Variants in CLTA observed in about 807,000 individuals in gnomAD.
CLTA encodes the protein clathrin, light polypeptide (Lca).
In CLTA, 9 loss-of-function variants were observed where a neutral mutation model predicts 26.9. That is an observed-to-expected ratio of 0.33 (90% CI 0.20 to 0.58). CLTA has a LOEUF of 0.58. Among genes scored for constraint, CLTA ranks in the 20% least tolerant of loss-of-function variants. The probability of loss-of-function intolerance (pLI) is 0.85; values close to 1 mark genes in which losing one functional copy is unlikely to be tolerated. For synonymous variants in CLTA, 120 were observed against 115.5 expected (o/e 1.04, Z -0.25); for missense variants, 278 against 294.2 (o/e 0.94, Z 0.40).
intron 3 of CLTA, 70 bp from the exon 4 acceptor site, chr9:36,203,998 A>C: frequency 6.3e-7 from 1 of 1,591,694 alleles, no homozygotes; most frequent in Non-Finnish European, 8.6e-7. Flanking sequence ...AGCAAGACCA[A>C]AATAAACTGA....
chr9:36,197,185 G>T (rs1277970391), intron 1 of CLTA, among the ~76,000 whole-genome samples: 1 of 152,116 alleles, frequency 6.6e-6, no homozygotes, highest in African/African-American at 2.4e-5. Flanking sequence ...AGATGAAGCT[G>T]CAGGTCTCTG....
At chr9:36,210,612 C>G in intron 4 of CLTA, 1 of 1,614,134 alleles carries the variant, frequency 6.2e-7, no homozygotes, top group South Asian at 1.1e-5. Flanking sequence ...CTTTTCTTCT[C>G]TTCACCTTTA....
chr9:36,198,740 G>T (rs1046594470), intron 2 of CLTA, among the ~76,000 whole-genome samples: 2 of 147,990 alleles, frequency 1.4e-5, no homozygotes, highest in African/African-American at 2.5e-5. Flanking sequence ...TAGGCCAGGC[G>T]CAGGCACCTG....
Position 36,197,017 on chromosome 9 carries a change from A to T in CLTA, c.218-534A>T, listed in dbSNP as rs148593306. ...GGCGAAACCCCCTTCCTACAAAAAA[A>T]TAGAAAAATTATCCAGGCGTGGTGG... On this transcript the variant is annotated intron_variant, in intron 1 of 4. Transcript: ENST00000345519. Among the ~76,000 whole-genome samples the T allele has an allele frequency of 4.1e-3, 631 of 152,310 alleles. 5 individuals are homozygous for T. Among genetic ancestry groups the T allele is most frequent in the African/African-American group, 0.014 (601 of 41,566 alleles).
chr9:36,202,856 T>G (rs1827495695), intron 3 of CLTA, among the ~76,000 whole-genome samples: 1 of 151,754 alleles, frequency 6.6e-6, no homozygotes, highest in Non-Finnish European at 1.5e-5. Flanking sequence ...GAGTCTCACT[T>G]TGTTGCCTAG....
Position 36,197,575 on chromosome 9 carries a change from G to A in CLTA, c.242G>A (p.Gly81Asp). Residue 81 changes from glycine (G) to aspartate (D), a missense_variant, in exon 2 of 5, where the codon GGT (glycine) becomes GAT (aspartate). Coordinates refer to ENST00000345519, the MANE Select transcript of CLTA (RefSeq NM_001833.4). ...GATGCTGTTGATGGAGTAATGAATG[G>A]TGAATACTACCAGGTACAGAGTACT... is the stretch of plus-strand genomic sequence containing the variant. ...GPDAVDGVMN[G>D]EYYQESNGPT... 1 of 1,610,160 alleles carries A rather than the reference G, an allele frequency of 6.2e-7. No homozygotes were observed. The highest frequency in any genetic ancestry group is 1.1e-5 in the South Asian group (1 of 90,586).
At chr9:36,202,173 A>G (rs1403137811) in intron 3 of CLTA, among the ~76,000 whole-genome samples, 2 of 152,180 alleles carry the variant, frequency 1.3e-5, no homozygotes, top group East Asian at 3.8e-4. Flanking sequence ...ATCTGAGAAA[A>G]TGATTCTTCT....
intron 3 of CLTA, among the ~76,000 whole-genome samples, chr9:36,201,024 A>G (rs1827371567): frequency 6.6e-6 from 1 of 152,176 alleles, no homozygotes; most frequent in Non-Finnish European, 1.5e-5. Context: ...CTGTTTTACC[A>G]AGCTCTAGCA....
At chr9:36,196,349 T>C (rs1185070588) in intron 1 of CLTA, among the ~76,000 whole-genome samples, 2 of 149,946 alleles carry the variant, frequency 1.3e-5, no homozygotes, top group South Asian at 2.1e-4. Flanking sequence ...TTTCTTTTTT[T>C]TTTTTTTTAT....
chr9:36,199,447 CTTTTTTCTTTTTTT>C (rs1348772676), intron 3 of CLTA, among the ~76,000 whole-genome samples: 1 of 150,134 alleles, frequency 6.7e-6, no homozygotes, highest in African/African-American at 2.5e-5. Flanking sequence ...TTTCTTTTTT[CTTTTTTCTTTTTTT>C]TTTTTTGAGA....
intron 4 of CLTA, among the ~76,000 whole-genome samples, chr9:36,205,183 T>C (rs931228368): frequency 3.3e-5 from 5 of 152,198 alleles, no homozygotes. Flanking sequence ...CTTCAGCTCA[T>C]TGGATTCCGG....
intron 1 of CLTA, among the ~76,000 whole-genome samples, chr9:36,191,602 G>T (rs548005941): frequency 6.6e-6 from 1 of 152,170 alleles, no homozygotes; most frequent in Non-Finnish European, 1.5e-5. Flanking sequence ...TGAAGCAACC[G>T]CATTGGCGCA....
intron 4 of CLTA, 101 bp downstream of exon 4, chr9:36,204,280 G>A (rs1442384835): frequency 7.8e-7 from 1 of 1,279,808 alleles, no homozygotes; most frequent in Non-Finnish European, 1.1e-6. Context: ...CCTTTAGTGT[G>A]AAATGTCTGC....
At chr9:36,198,257 C>G (rs897195643) in intron 2 of CLTA, among the ~76,000 whole-genome samples, 1 of 152,056 alleles carries the variant, frequency 6.6e-6, no homozygotes, top group South Asian at 2.1e-4. Context: ...CTTGGCCTCC[C>G]AAAGTGCTGG....
At chr9:36,201,080 T>C (rs1306746614) in intron 3 of CLTA, among the ~76,000 whole-genome samples, 2 of 152,230 alleles carry the variant, frequency 1.3e-5, no homozygotes, top group East Asian at 3.8e-4. Context: ...TCTGGAAAGA[T>C]TTAATTTTTC....
Position 36,211,833 on chromosome 9 carries a change from T to G in CLTA, c.*59T>G. ...ATCTTAATCCTACTCAGTGAAGCTC[T>G]TCACAGTCATTGGATTAATTATGTT... On this transcript the variant is annotated 3_prime_UTR_variant, in exon 5 of 5. Coordinates refer to ENST00000345519, the MANE Select transcript of CLTA (RefSeq NM_001833.4). The G allele has an allele frequency of 4.0e-5, 54 of 1,352,456 alleles. No individual in the cohort carries two copies. Among genetic ancestry groups the G allele is most frequent in the Non-Finnish European group, 5.0e-5 (48 of 968,312 alleles). The allele number at this position is 1,352,456 out of a possible 1,614,324, so 83.8% of individuals were successfully genotyped here.
rs562846435 is a variant in CLTA at position 36,194,895 on chromosome 9, G to A, written c.218-2656G>A. Reference sequence around the variant, plus strand: ...GTGCAGTAATACAGTAACTAATAAAGAGGAAAGCAGATGCCAGTGGGTCTG... The same window carrying A: ...GTGCAGTAATACAGTAACTAATAAAAAGGAAAGCAGATGCCAGTGGGTCTG... On this transcript the variant is annotated intron_variant, in intron 1 of 4. Coordinates refer to ENST00000345519, the MANE Select transcript of CLTA (RefSeq NM_001833.4). Among the ~76,000 whole-genome samples, 12 of 152,354 alleles carry A rather than the reference G, an allele frequency of 7.9e-5. 1 individual carries two copies. Among genetic ancestry groups the A allele is most frequent in the African/African-American group, 2.9e-4 (12 of 41,578 alleles).
chr9:36,191,623 ACTTATAAG>A (rs1826727542), intron 1 of CLTA, among the ~76,000 whole-genome samples: 1 of 152,170 alleles, frequency 6.6e-6, no homozygotes, highest in South Asian at 2.1e-4. Flanking sequence ...GTTTTTCCAG[ACTTATAAG>A]CTTATAAGTC....
intron 3 of CLTA, among the ~76,000 whole-genome samples, chr9:36,203,409 T>G (rs1339445555): frequency 6.6e-6 from 1 of 152,208 alleles, no homozygotes; most frequent in Non-Finnish European, 1.5e-5. Context: ...GCAGACCAAG[T>G]AGGAGTAGAT....
Sources: gnomAD v4.1 joint callset for allele counts (sites outside exome capture counted in the v4.1 genomes callset) on GRCh38, gnomAD v4.1.1 for gene constraint, MANE v1.5 for transcripts, NCBI Gene and HGNC (gene_info 2026-07-23, HGNC 2026-07-21) for gene names.